C12orf42: variants seen among roughly 807,000 people sequenced by gnomAD.
C12orf42 encodes the protein chromosome 12 open reading frame 42.
Under a neutral mutation model 21.6 loss-of-function variants are expected in C12orf42, and 25 were observed. The ratio of observed to expected loss-of-function variants is 1.16; its 90% confidence interval spans 0.84 to 1.62. The LOEUF (loss-of-function observed/expected upper bound fraction) is 1.62, where lower values mean the gene tolerates loss of function less well. Among genes scored for constraint, C12orf42 ranks in the 40% most tolerant of loss-of-function variants. The pLI is 0.00. For synonymous variants in C12orf42, 174 were observed against 175.0 expected, an observed-to-expected ratio of 0.99 and a Z score of 0.05; for missense variants, 483 against 459.3, an observed-to-expected ratio of 1.05 and a Z score of -0.47.
chr12:103,118,690 C>T, the C12orf42 span, among the ~76,000 whole-genome samples: 6 of 140,090 alleles, frequency 4.3e-5, no homozygotes, highest in African/African-American at 1.3e-4. Context: ...CCCAGCTACT[C>T]GGGAGGCTGA....
the C12orf42 span, among the ~76,000 whole-genome samples, chr12:103,154,668 T>C: frequency 6.6e-6 from 1 of 152,164 alleles, no homozygotes; most frequent in South Asian, 2.1e-4. Flanking sequence ...TTCTTTCTCT[T>C]TCAACTCATT....
chr12:103,352,975 G>A (rs1176735022), intron 4 of C12orf42, among the ~76,000 whole-genome samples: 1 of 152,076 alleles, frequency 6.6e-6, no homozygotes, highest in East Asian at 1.9e-4. Flanking sequence ...AAGGTAAGCA[G>A]GCTAAACAAA....
the C12orf42 span, among the ~76,000 whole-genome samples, chr12:103,102,375 A>T: frequency 6.6e-6 from 1 of 152,190 alleles, no homozygotes; most frequent in Non-Finnish European, 1.5e-5. Context: ...TTCATTCAAC[A>T]CTGTCATCAT....
the C12orf42 span, among the ~76,000 whole-genome samples, chr12:103,562,473 G>A: frequency 6.6e-6 from 1 of 152,126 alleles, no homozygotes; most frequent in South Asian, 2.1e-4. Flanking sequence ...GTGAAAGGGG[G>A]CCATGCAGAG....
At chr12:103,221,601 T>C in the C12orf42 span, among the ~76,000 whole-genome samples, 1 of 152,206 alleles carries the variant, frequency 6.6e-6, no homozygotes, top group Non-Finnish European at 1.5e-5. Context: ...TTCTTATTAA[T>C]CTTCTAAATG....
the C12orf42 span, among the ~76,000 whole-genome samples, chr12:103,149,705 C>G: frequency 6.6e-6 from 1 of 152,182 alleles, no homozygotes; most frequent in Non-Finnish European, 1.5e-5. Context: ...TCCAAGCTTG[C>G]TCCCCTTTGC....
chr12:103,167,134 G>A, the C12orf42 span, among the ~76,000 whole-genome samples: 265 of 152,140 alleles, frequency 1.7e-3, 3 homozygotes, highest in African/African-American at 5.8e-3. Context: ...TAGTGGTTGC[G>A]CAATCATGTT....
the C12orf42 span, among the ~76,000 whole-genome samples, chr12:103,048,880 C>T: frequency 1.3e-5 from 2 of 152,150 alleles, no homozygotes; most frequent in African/African-American, 4.8e-5. Context: ...CTTCCCTCAG[C>T]CTCCCATTTC....
intron 2 of C12orf42, among the ~76,000 whole-genome samples, chr12:103,439,941 A>G (rs1196191848): frequency 2.0e-5 from 3 of 150,172 alleles, no homozygotes; most frequent in African/African-American, 7.4e-5. Context: ...TCATGCTGCT[A>G]TAAAGACACA....
the C12orf42 span, among the ~76,000 whole-genome samples, chr12:103,084,360 G>C: frequency 2.0e-5 from 3 of 152,116 alleles, no homozygotes; most frequent in Non-Finnish European, 2.9e-5. Flanking sequence ...GCTGGGGACT[G>C]CTGGCAAAAT....
intron 4 of C12orf42, among the ~76,000 whole-genome samples, chr12:103,349,953 CT>C: frequency 6.6e-6 from 1 of 152,060 alleles, no homozygotes; most frequent in African/African-American, 2.4e-5. Flanking sequence ...TTAAAATATA[CT>C]TTTTCATGAA....
At chr12:103,362,164 A>G (rs2044172385) in intron 4 of C12orf42, among the ~76,000 whole-genome samples, 1 of 152,126 alleles carries the variant, frequency 6.6e-6, no homozygotes, top group Admixed American at 6.6e-5. Context: ...GAGATTTGCA[A>G]AAGGTTCACA....
intron 4 of C12orf42, among the ~76,000 whole-genome samples, chr12:103,291,935 C>G (rs1175695251): frequency 6.6e-6 from 1 of 152,040 alleles, no homozygotes; most frequent in African/African-American, 2.4e-5. Flanking sequence ...CAAGAGAAAG[C>G]AAAACATATG....
At chr12:103,132,983 C>T in the C12orf42 span, among the ~76,000 whole-genome samples, 1 of 152,182 alleles carries the variant, frequency 6.6e-6, no homozygotes, top group Non-Finnish European at 1.5e-5. Context: ...TAGTAAGTGC[C>T]TGCATGTACA....
At chr12:103,202,100 T>C in the C12orf42 span, among the ~76,000 whole-genome samples, 1 of 152,206 alleles carries the variant, frequency 6.6e-6, no homozygotes, top group Non-Finnish European at 1.5e-5. Context: ...TCTGTAGCCC[T>C]GGATTAATCC....
the C12orf42 span, among the ~76,000 whole-genome samples, chr12:103,212,495 C>T: frequency 6.6e-6 from 1 of 152,042 alleles, no homozygotes; most frequent in African/African-American, 2.4e-5. Flanking sequence ...CCTCAGTTCC[C>T]TATATGTTTA....
chr12:103,168,275 G>A, the C12orf42 span: 5 of 267,414 alleles, frequency 1.9e-5, no homozygotes, highest in South Asian at 6.9e-5. Context: ...GTGAACTATG[G>A]GAAATATAAA....
At chr12:103,057,802 T>C in the C12orf42 span, among the ~76,000 whole-genome samples, 10 of 152,170 alleles carry the variant, frequency 6.6e-5, no homozygotes, top group Non-Finnish European at 1.3e-4. Context: ...GGTTGACTAA[T>C]CTACACTGTC....
At chr12:103,530,207 A>G in the C12orf42 span, among the ~76,000 whole-genome samples, 2 of 152,216 alleles carry the variant, frequency 1.3e-5, no homozygotes, top group Admixed American at 1.3e-4. Flanking sequence ...AATAAAAGTT[A>G]TCAGGAAGTA....
Sources: allele counts gnomAD v4.1 joint callset (sites outside exome capture counted in the v4.1 genomes callset), GRCh38; gene constraint gnomAD v4.1.1; transcripts MANE v1.5; gene names NCBI Gene and HGNC (gene_info 2026-07-23, HGNC 2026-07-21).